Variants in GSPT1 observed in about 807,000 individuals in gnomAD.
GSPT1 encodes the protein G1 to S phase transition 1, also known as eukaryotic peptide chain release factor GTP-binding subunit ERF3A.
GSPT1 carries 20 observed loss-of-function variants against 72.5 expected under a neutral mutation model. The observed-to-expected ratio is 0.28, with a 90% CI of 0.19 to 0.40. The LOEUF (loss-of-function observed/expected upper bound fraction) is 0.40, where lower values mean the gene tolerates loss of function less well. Ranked by LOEUF, GSPT1 falls within the 10% of genes least tolerant of loss-of-function variation. The pLI is 1.00. For synonymous variants in GSPT1, 334 were observed against 293.5 expected (o/e 1.14, Z -1.41); for missense variants, 580 against 811.9 (o/e 0.71, Z 3.47).
chr16:11,892,527 A>ATAAAT (rs1156283902), intron 5 of GSPT1, among the ~76,000 whole-genome samples: 6 of 144,346 alleles, frequency 4.2e-5, no homozygotes, highest in African/African-American at 1.7e-4. Flanking sequence ...AAAAAACAAA[A>ATAAAT]AAAACAAAAA....
At chr16:11,912,901 C>G (rs772078439) in intron 1 of GSPT1, among the ~76,000 whole-genome samples, 12 of 152,128 alleles carry the variant, frequency 7.9e-5, no homozygotes, top group Non-Finnish European at 1.6e-4. Context: ...AACCTATATT[C>G]TTTAGTTTTC....
chr16:11,894,947 G>C lies in GSPT1; in HGVS notation c.698+7C>G. 1 of 1,540,042 alleles carries C rather than the reference G, an allele frequency of 6.5e-7. No individual in the cohort carries two copies. Among genetic ancestry groups the C allele is most frequent in the Non-Finnish European group, 8.9e-7 (1 of 1,121,156 alleles). On this transcript the variant is annotated splice_region_variant and intron_variant, in intron 5 of 14. Transcript: ENST00000434724. The stretch of plus-strand genomic sequence containing the variant: ...ACTCTGTTATTTAACAAAAGATACA[G>C]ACTTACATTATTTGTCCTCCAATGG...
At chr16:11,880,636 T>C (rs2054110409) in intron 11 of GSPT1, among the ~76,000 whole-genome samples, 1 of 152,152 alleles carries the variant, frequency 6.6e-6, no homozygotes, top group Admixed American at 6.5e-5. Context: ...CCCTGTGGAT[T>C]TGATTTTTAT....
At chr16:11,904,452 T>G (rs954345913) in intron 1 of GSPT1, among the ~76,000 whole-genome samples, 4 of 152,174 alleles carry the variant, frequency 2.6e-5, no homozygotes, top group Non-Finnish European at 5.9e-5. Flanking sequence ...TCCGCCCGCC[T>G]TGGCCTCCTA....
chr16:11,915,945 G>T lies in GSPT1; in HGVS notation c.-225C>A, dbSNP rs540445782. ...CGGCGGCAGCTCAACCCTCCTCCTC[G>T]TGTGTGTGAGCGGATCTCCTCCCAC... is the stretch of plus-strand genomic sequence containing the variant. On this transcript the variant is annotated 5_prime_UTR_variant, in exon 1 of 15. Coordinates refer to ENST00000434724, the MANE Select transcript of GSPT1 (RefSeq NM_002094.4). 24 of 742,776 alleles carry T rather than the reference G, an allele frequency of 3.2e-5. No homozygotes were observed. The highest frequency in any genetic ancestry group is 2.1e-4 in the East Asian group (8 of 38,508). 46.0% of individuals were successfully genotyped at this position (742,776 alleles called of 1,614,324 possible). A position where few individuals can be genotyped will look rare whatever the true frequency, so the allele number is the denominator to read the frequency against.
intron 1 of GSPT1, among the ~76,000 whole-genome samples, chr16:11,913,743 G>GTTA (rs976421104): frequency 4.5e-4 from 69 of 152,202 alleles, no homozygotes; most frequent in Admixed American, 1.9e-3. Context: ...AGTGAACTAG[G>GTTA]TTAGGCAGTC....
chr16:11,888,631 G>A (rs1352345425), intron 6 of GSPT1, among the ~76,000 whole-genome samples: 5 of 151,848 alleles, frequency 3.3e-5, no homozygotes, highest in East Asian at 1.9e-4. Context: ...GCATGGTGGC[G>A]GGCGCCTGTA....
At chr16:11,886,132 C>A (rs1204843386) in intron 9 of GSPT1, among the ~76,000 whole-genome samples, 2 of 151,806 alleles carry the variant, frequency 1.3e-5, no homozygotes, top group African/African-American at 2.4e-5. Flanking sequence ...AAAAATAAAA[C>A]CTTTTGTGCT....
At chr16:11,913,563 AGGTT>A (rs1343951416) in intron 1 of GSPT1, among the ~76,000 whole-genome samples, 1 of 152,184 alleles carries the variant, frequency 6.6e-6, no homozygotes, top group East Asian at 1.9e-4. Context: ...TTCTAGACCA[AGGTT>A]GGTTATCCCC....
At chr16:11,889,356 T>TTTTTTTG (rs2054225902) in intron 6 of GSPT1, among the ~76,000 whole-genome samples, 1 of 142,212 alleles carries the variant, frequency 7.0e-6, no homozygotes, top group South Asian at 2.3e-4. Flanking sequence ...TTTTTTTTTT[T>TTTTTTTG]GGAGATGGGA....
chr16:11,900,311 C>G (rs1457696810), intron 1 of GSPT1, among the ~76,000 whole-genome samples: 1 of 129,316 alleles, frequency 7.7e-6, no homozygotes, highest in Non-Finnish European at 1.6e-5. Flanking sequence ...CCAGCTTGGA[C>G]AAGAATGAAA....
At chr16:11,910,982 G>T (rs1379885202) in intron 1 of GSPT1, among the ~76,000 whole-genome samples, 1 of 152,152 alleles carries the variant, frequency 6.6e-6, no homozygotes. Context: ...AAAAAGGTCA[G>T]CCATGGCAGG....
At chr16:11,911,361 A>G (rs2054554156) in intron 1 of GSPT1, among the ~76,000 whole-genome samples, 2 of 152,140 alleles carry the variant, frequency 1.3e-5, no homozygotes, top group Non-Finnish European at 2.9e-5. Context: ...CCTTACAAAT[A>G]TATTAAAAGC....
At chr16:11,890,330 C>T (rs1287174572) in intron 6 of GSPT1, among the ~76,000 whole-genome samples, 4 of 152,084 alleles carry the variant, frequency 2.6e-5, no homozygotes, top group South Asian at 4.1e-4. Context: ...ACTAACGCAC[C>T]ATGTGGGAGC....
intron 6 of GSPT1, among the ~76,000 whole-genome samples, chr16:11,889,933 G>A (rs570211061): frequency 4.9e-4 from 74 of 151,546 alleles, no homozygotes; most frequent in African/African-American, 1.5e-3. Flanking sequence ...GAGTCACCGC[G>A]CCTGGCCCAA....
intron 1 of GSPT1, among the ~76,000 whole-genome samples, chr16:11,910,523 T>C (rs1278516658): frequency 6.6e-6 from 1 of 152,212 alleles, no homozygotes; most frequent in Non-Finnish European, 1.5e-5. Flanking sequence ...GAAATTCGCA[T>C]TTCTGGAAAA....
At chr16:11,878,175 G>T (rs1397362746) in intron 11 of GSPT1, among the ~76,000 whole-genome samples, 1 of 152,176 alleles carries the variant, frequency 6.6e-6, no homozygotes, top group Non-Finnish European at 1.5e-5. Context: ...GAGTGCAGTG[G>T]TGCGATCTTG....
intron 1 of GSPT1, among the ~76,000 whole-genome samples, chr16:11,912,532 G>C (rs2054573596): frequency 6.6e-6 from 1 of 152,114 alleles, no homozygotes; most frequent in Admixed American, 6.5e-5. Context: ...TTCCATGCTT[G>C]TTTCTTAATG....
Position 11,877,704 on chromosome 16 carries a change from G to C in GSPT1, c.1429-124C>G. On this transcript the variant is annotated intron_variant, in intron 11 of 14. Transcript: ENST00000434724. This position sits in a 1 kb window ranked among gnomAD's most constrained non-coding sequence, Gnocchi z 4.0. ...GATTTGACTGTAAACACTTATGTTT[G>C]TATGACATAAAATCTTAGCCTAGAT... 1.7e-6 allele frequency: 1 copy of C among 602,938 alleles called. No homozygotes were observed. Among genetic ancestry groups the C allele is most frequent in the Non-Finnish European group, 2.8e-6 (1 of 354,930 alleles). The allele number at this position is 602,938 out of a possible 1,614,324, so 37.3% of individuals were successfully genotyped here. A position where few individuals can be genotyped will look rare whatever the true frequency, so the allele number is the denominator to read the frequency against.
Sources: gnomAD v4.1 joint callset for allele counts (sites outside exome capture counted in the v4.1 genomes callset) on GRCh38, gnomAD v4.1.1 for gene constraint, Gnocchi (gnomAD v3.1) non-coding constraint, MANE v1.5 for transcripts, NCBI Gene and HGNC (gene_info 2026-07-23, HGNC 2026-07-21) for gene names.